The following PIBF1 variants were observed in gnomAD, a reference collection of about 807,000 sequenced individuals.
PIBF1 encodes the protein progesterone immunomodulatory binding factor 1.
Under a neutral mutation model 112.5 loss-of-function variants are expected in PIBF1, and 90 were observed. The ratio of observed to expected loss-of-function variants is 0.80; its 90% CI spans 0.67 to 0.95. The LOEUF (loss-of-function observed/expected upper bound fraction) is 0.95. Ranked by LOEUF, PIBF1 falls within the 40% of genes least tolerant of loss-of-function variation. The pLI is 0.00. For synonymous variants in PIBF1, 301 were observed against 288.6 expected (o/e 1.04, Z -0.44); for missense variants, 915 against 852.3 (o/e 1.07, Z -0.92).
At chr13:72,822,378 AAT>A (rs1303051350) in intron 6 of PIBF1, among the ~76,000 whole-genome samples, 11 of 152,126 alleles carry the variant, frequency 7.2e-5, no homozygotes, top group African/African-American at 1.4e-4. Flanking sequence ...ACTTTCTGAA[AAT>A]ATGTTTCCTA....
At chr13:72,858,435 C>T (rs2038542566) in intron 10 of PIBF1, among the ~76,000 whole-genome samples, 2 of 152,098 alleles carry the variant, frequency 1.3e-5, no homozygotes, top group African/African-American at 4.8e-5. Flanking sequence ...CTATATATAC[C>T]ACCTTATTTA....
At chr13:72,897,143 T>C (rs868373523) in intron 11 of PIBF1, among the ~76,000 whole-genome samples, 2 of 152,296 alleles carry the variant, frequency 1.3e-5, no homozygotes, top group Middle Eastern at 3.4e-3. Context: ...GGGGATCCCA[T>C]CTTCAGCATC....
Position 72,937,164 on chromosome 13 carries a change from T to C in PIBF1, c.1833+5897T>C, listed in dbSNP as rs2041892620. Reference sequence around the variant, plus strand: ...GAACACTTAACATCTAGTATATTTATTGATATGGTTATGTTCAAGTTTTTC... The same window carrying C: ...GAACACTTAACATCTAGTATATTTACTGATATGGTTATGTTCAAGTTTTTC... On this transcript the variant is annotated intron_variant, in intron 14 of 17. Coordinates refer to ENST00000326291, the MANE Select transcript of PIBF1 (RefSeq NM_006346.4). 2.0e-5 allele frequency among the ~76,000 whole-genome samples: 3 copies of C among 152,208 alleles called. No homozygotes were observed. In the South Asian group the frequency reaches 6.2e-4, roughly 31 times the overall value.
chr13:72,934,971 T>TTGTC (rs1423873875), intron 14 of PIBF1, among the ~76,000 whole-genome samples: 1 of 152,002 alleles, frequency 6.6e-6, no homozygotes, highest in African/African-American at 2.4e-5. Flanking sequence ...GTTAGTTTGT[T>TTGTC]TGTCTGTCTG....
chr13:72,955,584 CA>C (rs1033282033), intron 14 of PIBF1, among the ~76,000 whole-genome samples: 2 of 152,034 alleles, frequency 1.3e-5, no homozygotes, highest in African/African-American at 4.8e-5. Flanking sequence ...TTGAAAATCA[CA>C]ATGCAAATTC....
chr13:72,972,901 T>C (rs763025922), intron 15 of PIBF1, among the ~76,000 whole-genome samples: 14 of 152,242 alleles, frequency 9.2e-5, no homozygotes, highest in South Asian at 2.1e-4. Context: ...TTGTAAAATA[T>C]TACTTTCAGT....
chr13:72,923,145 A>G (rs1229037105), intron 13 of PIBF1, among the ~76,000 whole-genome samples: 2 of 152,188 alleles, frequency 1.3e-5, no homozygotes, highest in African/African-American at 4.8e-5. Flanking sequence ...AGTTTTGGTA[A>G]TAGTAAGACA....
chr13:72,790,305 T>C (rs1466520564), intron 2 of PIBF1, among the ~76,000 whole-genome samples: 9 of 152,090 alleles, frequency 5.9e-5, no homozygotes, highest in Non-Finnish European at 1.0e-4. Flanking sequence ...TTTATAAGAA[T>C]GGAAGGCTGG....
intron 8 of PIBF1, among the ~76,000 whole-genome samples, chr13:72,833,239 T>C (rs543410403): frequency 6.6e-6 from 1 of 152,106 alleles, no homozygotes; most frequent in African/African-American, 2.4e-5. Context: ...GAGGAGTTTG[T>C]TATTACCCAC....
intron 13 of PIBF1, among the ~76,000 whole-genome samples, chr13:72,918,333 G>A (rs968750514): frequency 8.0e-5 from 12 of 149,594 alleles, no homozygotes; most frequent in Non-Finnish European, 1.6e-4. Context: ...ATCATTTCCT[G>A]TGTAATTTAC....
At chr13:72,839,512 G>C (rs749186159) in intron 9 of PIBF1, among the ~76,000 whole-genome samples, 1 of 152,160 alleles carries the variant, frequency 6.6e-6, no homozygotes, top group South Asian at 2.1e-4. Context: ...AATTAGAGAG[G>C]CCTGTGGTAT....
intron 9 of PIBF1, among the ~76,000 whole-genome samples, chr13:72,845,140 G>GC (rs2037811693): frequency 7.0e-6 from 1 of 142,896 alleles, no homozygotes; most frequent in Non-Finnish European, 1.5e-5. Context: ...CCCTCCCCTT[G>GC]CCCCCCACCC....
chr13:72,858,942 A>C (rs1433482369), intron 10 of PIBF1, among the ~76,000 whole-genome samples: 1 of 151,958 alleles, frequency 6.6e-6, no homozygotes, highest in Non-Finnish European at 1.5e-5. Context: ...ATTACATAAC[A>C]TATTTTGATA....
chr13:72,847,637 G>A (rs1163089145), intron 9 of PIBF1, among the ~76,000 whole-genome samples: 1 of 152,218 alleles, frequency 6.6e-6, no homozygotes, highest in African/African-American at 2.4e-5. Flanking sequence ...GGTTAGGAAA[G>A]TGTAGCATTT....
chr13:72,812,287 T>A (rs980218367), intron 5 of PIBF1, among the ~76,000 whole-genome samples: 3 of 152,162 alleles, frequency 2.0e-5, no homozygotes, highest in Admixed American at 6.5e-5. Context: ...TATGATTTAA[T>A]TTTTTTAATG....
intron 10 of PIBF1, among the ~76,000 whole-genome samples, chr13:72,880,627 C>G (rs569969897): frequency 1.1e-3 from 164 of 152,174 alleles, no homozygotes; most frequent in Non-Finnish European, 1.8e-3. Flanking sequence ...GCTTCAGAAC[C>G]CTTGCTTAAT....
intron 14 of PIBF1, among the ~76,000 whole-genome samples, chr13:72,949,347 G>A (rs1006982081): frequency 1.9e-5 from 2 of 105,732 alleles, no homozygotes; most frequent in African/African-American, 3.8e-5. Context: ...ACAGAGTCTC[G>A]CTCTGTCAGC....
At chr13:72,786,301 A>G (rs1057283532) in intron 2 of PIBF1, among the ~76,000 whole-genome samples, 3 of 152,222 alleles carry the variant, frequency 2.0e-5, no homozygotes, top group African/African-American at 7.2e-5. Flanking sequence ...AGTTTGACAC[A>G]TAATCATCAT....
rs940043898 is a variant in PIBF1 at position 73,010,460 on chromosome 13, A to C, written c.2224-5409A>C. On this transcript the variant is annotated intron_variant, in intron 17 of 17. Transcript: ENST00000326291. Reference sequence around the variant, plus strand: ...TCTATTAAAAATACAAAAATTAGCCAGGGGTGGTGGTGCATGCCTGTAGTC... The same window carrying C: ...TCTATTAAAAATACAAAAATTAGCCCGGGGTGGTGGTGCATGCCTGTAGTC... 2.6e-5 allele frequency among the ~76,000 whole-genome samples: 4 copies of C among 152,004 alleles called. No homozygotes were observed. In the East Asian group the frequency reaches 7.8e-4, roughly 30 times the overall value.
Sources: allele counts gnomAD v4.1 joint callset (sites outside exome capture counted in the v4.1 genomes callset), GRCh38; gene constraint gnomAD v4.1.1; transcripts MANE v1.5; gene names NCBI Gene and HGNC (gene_info 2026-07-23, HGNC 2026-07-21).